PDE7A: variants seen among roughly 807,000 people sequenced by gnomAD.
The protein encoded by PDE7A is phosphodiesterase 7A.
In PDE7A, 39 loss-of-function variants were observed where a neutral mutation model predicts 64.3. The ratio of observed to expected loss-of-function variants is 0.61; its 90% confidence interval spans 0.47 to 0.79. PDE7A has a LOEUF of 0.79. Ranked by LOEUF, PDE7A falls within the 30% of genes least tolerant of loss-of-function variation. The pLI is 0.00. For synonymous variants in PDE7A, 203 were observed against 206.8 expected, an observed-to-expected ratio of 0.98 and a Z score of 0.16; for missense variants, 470 against 582.8, an observed-to-expected ratio of 0.81 and a Z score of 1.99.
In PDE7A at chr8:65,718,043, A is replaced by G. The variant is rs1168803485; in HGVS notation, c.*1247T>C. ...CCCGTCAAAGGGTAACGTTTCATCA[A>G]AGGGAGGGACAAGAAAACAATGCAC... On this transcript the variant is annotated 3_prime_UTR_variant, in exon 13 of 13. Coordinates refer to ENST00000401827, the MANE Select transcript of PDE7A (RefSeq NM_001242318.3). The G allele has an allele frequency of 6.6e-6, 1 of 152,210 alleles. No homozygotes were observed. Among genetic ancestry groups the G allele is most frequent in the African/African-American group, 2.4e-5 (1 of 41,458 alleles). The allele number at this position is 152,210 out of a possible 1,614,324, so 9.4% of individuals were successfully genotyped here.
Position 65,841,447 on chromosome 8 carries a change from A to T in PDE7A, c.62T>A (p.Leu21His). The T allele has an allele frequency of 6.4e-7, 1 of 1,564,530 alleles. No individual in the cohort carries two copies. Residue 21 changes from leucine (L) to histidine (H), a missense_variant, in exon 1 of 13, where the codon CTC (leucine) becomes CAC (histidine). Leu to His is a moderately conservative substitution (Grantham distance 99, BLOSUM62 -3). Transcript: ENST00000401827. ...GAAGCTGATGGCTCCTCGGCGGCTG[A>T]GGACGTGCTGGGGGACCGGCCTGTC... ...PLDRPVPQHV[L>H]SRRGAISFSS... is the part of the protein sequence containing the mutation.
intron 11 of PDE7A, among the ~76,000 whole-genome samples, chr8:65,723,843 C>T (rs1585825000): frequency 6.6e-6 from 1 of 152,140 alleles, no homozygotes; most frequent in Non-Finnish European, 1.5e-5. Flanking sequence ...TACCCCAAGA[C>T]TGTAATTTAT....
At chr8:65,788,929 A>G (rs758676159) in intron 1 of PDE7A, 2 of 1,613,198 alleles carry the variant, frequency 1.2e-6, no homozygotes, top group Non-Finnish European at 1.7e-6. Context: ...CACCAGATCA[A>G]TGTAATTCCC....
At chr8:65,825,590 A>G (rs1810651398) in intron 1 of PDE7A, among the ~76,000 whole-genome samples, 1 of 152,236 alleles carries the variant, frequency 6.6e-6, no homozygotes, top group African/African-American at 2.4e-5. Context: ...GATAGTTCCA[A>G]TATTACAAAG....
At position 65,841,988 on chromosome 8, in the gene PDE7A, G is replaced by T. The variant is rs912150025; in HGVS notation, c.-480C>A. ...GGCCGCCGCCGCCGCCGCCGCCGCCGCCGCCGGAGTCCTGCTCCTCCCCTC... is the reference window on the plus strand; with the variant it reads ...GGCCGCCGCCGCCGCCGCCGCCGCCTCCGCCGGAGTCCTGCTCCTCCCCTC... On this transcript the variant is annotated 5_prime_UTR_variant, in exon 1 of 13. Transcript: ENST00000401827. The T allele has an allele frequency of 3.8e-6, 1 of 260,188 alleles. No homozygotes were observed. The allele number at this position is 260,188 out of a possible 1,614,324, so 16.1% of individuals were successfully genotyped here.
At chr8:65,755,963 C>T (rs1206537295) in intron 3 of PDE7A, among the ~76,000 whole-genome samples, 3 of 152,192 alleles carry the variant, frequency 2.0e-5, no homozygotes, top group Non-Finnish European at 4.4e-5. Context: ...AATGAACTCC[C>T]TCAACTTTTG....
At chr8:65,745,836 A>G (rs1266957710) in intron 4 of PDE7A, among the ~76,000 whole-genome samples, 12 of 152,238 alleles carry the variant, frequency 7.9e-5, no homozygotes, top group Admixed American at 7.9e-4. Context: ...TCTAATAAAA[A>G]TAAGTGACAC....
intron 3 of PDE7A, among the ~76,000 whole-genome samples, chr8:65,770,231 A>G (rs1277948727): frequency 6.6e-6 from 1 of 151,118 alleles, no homozygotes; most frequent in Non-Finnish European, 1.5e-5. Context: ...TCACCTCTGT[A>G]TTAGTCTGTT....
chr8:65,769,696 C>T (rs992899653), intron 3 of PDE7A, among the ~76,000 whole-genome samples: 1 of 151,944 alleles, frequency 6.6e-6, no homozygotes, highest in African/African-American at 2.4e-5. Context: ...AGGAGTTTGA[C>T]ACCAGCCTGG....
chr8:65,837,012 C>T (rs945118988), intron 1 of PDE7A, among the ~76,000 whole-genome samples: 1 of 152,178 alleles, frequency 6.6e-6, no homozygotes, highest in Non-Finnish European at 1.5e-5. Context: ...CTGATTTAAA[C>T]CAGAAATTTA....
intron 12 of PDE7A, 156 bp from the exon 13 acceptor site, chr8:65,719,651 G>A (rs1806292730): frequency 3.3e-6 from 2 of 609,842 alleles, no homozygotes; most frequent in Admixed American, 2.9e-5. Context: ...GACAGAGTCT[G>A]TAATGTACAT....
At chr8:65,789,704 G>A (rs1563508712) in intron 1 of PDE7A, among the ~76,000 whole-genome samples, 1 of 152,186 alleles carries the variant, frequency 6.6e-6, no homozygotes, top group Non-Finnish European at 1.5e-5. Flanking sequence ...AACAAAGTAT[G>A]CTTCTATTCA....
intron 1 of PDE7A, among the ~76,000 whole-genome samples, chr8:65,798,465 CT>C (rs1160027839): frequency 6.6e-6 from 1 of 152,006 alleles, no homozygotes; most frequent in Non-Finnish European, 1.5e-5. Flanking sequence ...CCGCCTCGGC[CT>C]TCCAAAGTGC....
intron 3 of PDE7A, among the ~76,000 whole-genome samples, chr8:65,749,485 A>T (rs1356142515): frequency 2.6e-5 from 4 of 152,224 alleles, no homozygotes; most frequent in Non-Finnish European, 5.9e-5. Context: ...TACCAATGTA[A>T]CTTACTTTAA....
At chr8:65,757,352 A>G (rs996524671) in intron 3 of PDE7A, among the ~76,000 whole-genome samples, 1 of 152,254 alleles carries the variant, frequency 6.6e-6, no homozygotes, top group African/African-American at 2.4e-5. Flanking sequence ...ATAATACCAC[A>G]GGTCATCCCC....
At chr8:65,833,587 C>A (rs1193124236) in intron 1 of PDE7A, among the ~76,000 whole-genome samples, 1 of 152,144 alleles carries the variant, frequency 6.6e-6, no homozygotes, top group Non-Finnish European at 1.5e-5. Context: ...CCTTGAGCAA[C>A]TTAATGTCTG....
rs940185886 is a variant in PDE7A at position 65,714,912 on chromosome 8, A to T, written c.*4378T>A. On this transcript the variant is annotated 3_prime_UTR_variant, in exon 13 of 13. Transcript: ENST00000401827. ...CATAAAATATGATTTTTACTTTTAT[A>T]CAGAGTATCATTACCAACCATCACA... is the stretch of plus-strand genomic sequence containing the variant. 3 of 152,204 alleles carry T rather than the reference A, an allele frequency of 2.0e-5. No homozygotes were observed. Among genetic ancestry groups the T allele is most frequent in the Non-Finnish European group, 4.4e-5 (3 of 68,036 alleles). 9.4% of individuals were successfully genotyped at this position (152,204 alleles called of 1,614,324 possible). A position where few individuals can be genotyped will look rare whatever the true frequency, so the allele number is the denominator to read the frequency against.
intron 1 of PDE7A, among the ~76,000 whole-genome samples, chr8:65,817,655 C>T (rs1342479956): frequency 6.6e-6 from 1 of 151,696 alleles, no homozygotes; most frequent in Non-Finnish European, 1.5e-5. Flanking sequence ...TTGGCTTTAT[C>T]TGTTGTTTTC....
chr8:65,784,251 C>CAA (rs1483256320), intron 1 of PDE7A, among the ~76,000 whole-genome samples: 2 of 151,832 alleles, frequency 1.3e-5, no homozygotes, highest in Admixed American at 6.6e-5. Context: ...GGGATATTAA[C>CAA]AAAGTAGTGT....
Sources: allele counts gnomAD v4.1 joint callset (sites outside exome capture counted in the v4.1 genomes callset), GRCh38; gene constraint gnomAD v4.1.1; transcripts MANE v1.5; gene names NCBI Gene and HGNC (gene_info 2026-07-23, HGNC 2026-07-21).